FRMD4A: variants seen among roughly 807,000 people sequenced by gnomAD.
The protein encoded by FRMD4A is FERM domain-containing protein 4A.
A neutral mutation model predicts 129.1 loss-of-function variants in FRMD4A; 29 were observed. The ratio of observed to expected loss-of-function variants is 0.22; its 90% confidence interval spans 0.17 to 0.31. The LOEUF (loss-of-function observed/expected upper bound fraction) is 0.31. Ranked by LOEUF, FRMD4A falls within the 10% of genes least tolerant of loss-of-function variation. FRMD4A has a pLI of 1.00. For synonymous variants in FRMD4A, 634 were observed against 571.6 expected (o/e 1.11, Z -1.56); for missense variants, 1,272 against 1,375.8 (o/e 0.92, Z 1.19).
chr10:13,701,006 C>T (rs1285387479), intron 14 of FRMD4A, among the ~76,000 whole-genome samples: 2 of 151,910 alleles, frequency 1.3e-5, no homozygotes, highest in African/African-American at 4.8e-5. Context: ...ACTGTTTAAA[C>T]ACCAAAAAGG....
chr10:14,126,169 C>CT (rs55649566), intron 2 of FRMD4A, among the ~76,000 whole-genome samples: 29,904 of 121,804 alleles, frequency 0.25, 4,374 homozygotes, highest in Admixed American at 0.28. Flanking sequence ...ACCTTGCCCA[C>CT]TTTTTTTTTT....
At chr10:13,893,607 C>A (rs771187479) in intron 2 of FRMD4A, among the ~76,000 whole-genome samples, 1 of 152,114 alleles carries the variant, frequency 6.6e-6, no homozygotes, top group African/African-American at 2.4e-5. Flanking sequence ...ACTGCAGCCT[C>A]CCCTCCTGGG....
chr10:13,847,579 G>A (rs2094071148), intron 3 of FRMD4A, among the ~76,000 whole-genome samples: 1 of 152,022 alleles, frequency 6.6e-6, no homozygotes, highest in South Asian at 2.1e-4. Flanking sequence ...TGCAGCAGAG[G>A]CTGCCAGATG....
At chr10:14,110,122 C>T (rs1278730185) in intron 2 of FRMD4A, among the ~76,000 whole-genome samples, 1 of 15,824 alleles carries the variant, frequency 6.3e-5, no homozygotes, top group East Asian at 4.7e-3. Context: ...AAGCGAGATG[C>T]TGTAAAAAAA....
chr10:14,188,644 G>C (rs962285516), intron 2 of FRMD4A, among the ~76,000 whole-genome samples: 1 of 152,124 alleles, frequency 6.6e-6, no homozygotes, highest in Non-Finnish European at 1.5e-5. Flanking sequence ...CCTTGGCTGC[G>C]CACAGTAGCT....
At chr10:14,111,716 C>A (rs2131795997) in intron 2 of FRMD4A, among the ~76,000 whole-genome samples, 1 of 151,970 alleles carries the variant, frequency 6.6e-6, no homozygotes, top group East Asian at 1.9e-4. Context: ...ATGATCCTGG[C>A]AGGGAGAAAT....
At chr10:13,889,829 A>G (rs182443265) in intron 2 of FRMD4A, among the ~76,000 whole-genome samples, 35 of 152,368 alleles carry the variant, frequency 2.3e-4, no homozygotes, top group Admixed American at 2.0e-3. Flanking sequence ...ACTTCTTTCT[A>G]ACTTATCTGG....
At chr10:13,700,820 CTTTTTT>C (rs71503097) in intron 14 of FRMD4A, among the ~76,000 whole-genome samples, 13 of 44,708 alleles carry the variant, frequency 2.9e-4, no homozygotes, top group African/African-American at 6.9e-4. Context: ...AGGGTAGTTG[CTTTTTT>C]TTTTTTTTTT....
At chr10:13,718,704 G>C (rs2089117394) in intron 12 of FRMD4A, among the ~76,000 whole-genome samples, 1 of 152,232 alleles carries the variant, frequency 6.6e-6, no homozygotes, top group South Asian at 2.1e-4. Flanking sequence ...AGAGGAGGAA[G>C]CTGAGGTGTC....
At chr10:14,041,965 G>A (rs1048974596) in intron 2 of FRMD4A, among the ~76,000 whole-genome samples, 8 of 152,176 alleles carry the variant, frequency 5.3e-5, no homozygotes, top group African/African-American at 1.9e-4. Flanking sequence ...TGCTGGTGAT[G>A]CTCTACTGCA....
chr10:13,960,270 C>T (rs1484323971), intron 2 of FRMD4A, among the ~76,000 whole-genome samples: 1 of 152,234 alleles, frequency 6.6e-6, no homozygotes, highest in East Asian at 1.9e-4. Flanking sequence ...AAACTCACCA[C>T]AGTTATGATA....
At chr10:13,959,000 A>C (rs1449319710) in intron 2 of FRMD4A, among the ~76,000 whole-genome samples, 1 of 152,228 alleles carries the variant, frequency 6.6e-6, no homozygotes, top group Non-Finnish European at 1.5e-5. Flanking sequence ...CTAAGTTAAC[A>C]ATTTTCCCCA....
At chr10:13,693,735 C>G in intron 15 of FRMD4A, 163 bp downstream of exon 15, 1 of 677,638 alleles carries the variant, frequency 1.5e-6, no homozygotes, top group Non-Finnish European at 2.5e-6. Flanking sequence ...GAGCAGTTTT[C>G]TCAGATTCGC....
chr10:14,255,465 A>G (rs1844575869), intron 2 of FRMD4A, among the ~76,000 whole-genome samples: 1 of 152,342 alleles, frequency 6.6e-6, no homozygotes, highest in East Asian at 1.9e-4. Flanking sequence ...GGACACAAGA[A>G]GAGCCCTGGT....
At chr10:14,171,014 G>GTT (rs60013417) in intron 2 of FRMD4A, among the ~76,000 whole-genome samples, 10,018 of 147,538 alleles carry the variant, frequency 0.068, 374 homozygotes, top group Non-Finnish European at 0.077. Flanking sequence ...TACGAGGGGA[G>GTT]TTTTTTTTTT....
chr10:14,135,558 T>C (rs1414042353), intron 2 of FRMD4A, among the ~76,000 whole-genome samples: 2 of 152,228 alleles, frequency 1.3e-5, no homozygotes, highest in Admixed American at 1.3e-4. Flanking sequence ...ATTAAACTCC[T>C]TTAAATTTAA....
In FRMD4A at chr10:13,689,535, T is replaced by A. The variant is rs903584406; in HGVS notation, c.1117+4363A>T. ...CAGGGTACCATACACTCTAGGAACA[T>A]AGATTAGAAGATTCTTTTTTTTTTT... On this transcript the variant is annotated intron_variant, in intron 15 of 24. Coordinates refer to ENST00000357447, the MANE Select transcript of FRMD4A (RefSeq NM_018027.5). 3.2e-3 allele frequency among the ~76,000 whole-genome samples: 475 copies of A among 148,988 alleles called. 3 individuals carry two copies. Among genetic ancestry groups the A allele is most frequent in the African/African-American group, 0.011 (428 of 39,986 alleles).
chr10:13,770,297 C>T (rs188601944), intron 6 of FRMD4A, among the ~76,000 whole-genome samples: 3 of 152,266 alleles, frequency 2.0e-5, no homozygotes, highest in Admixed American at 2.0e-4. Flanking sequence ...TAATGATCCA[C>T]GAGGTGAATG....
intron 2 of FRMD4A, among the ~76,000 whole-genome samples, chr10:14,027,202 C>G (rs1282204073): frequency 1.3e-5 from 2 of 152,246 alleles, no homozygotes; most frequent in South Asian, 4.1e-4. Flanking sequence ...CATCAACCCT[C>G]TTCCTGGGAT....
Sources: allele counts gnomAD v4.1 joint callset (sites outside exome capture counted in the v4.1 genomes callset), GRCh38; gene constraint gnomAD v4.1.1; transcripts MANE v1.5; gene names NCBI Gene and HGNC (gene_info 2026-07-23, HGNC 2026-07-21).